The following TRAPPC13 variants were observed in gnomAD, a reference collection of about 807,000 sequenced individuals.
The protein encoded by TRAPPC13 is trafficking protein particle complex subunit 13.
In TRAPPC13, 39 loss-of-function variants were observed where a neutral mutation model predicts 54.0. The observed-to-expected ratio is 0.72, with a 90% confidence interval of 0.56 to 0.94. The LOEUF is 0.94. TRAPPC13 is among the 40% of genes least tolerant of loss of function. The pLI is 0.00. For missense variants in TRAPPC13, 386 were observed against 488.1 expected, an observed-to-expected ratio of 0.79 and a Z score of 1.97; for synonymous variants, 148 against 167.7, an observed-to-expected ratio of 0.88 and a Z score of 0.91.
intron 1 of TRAPPC13, among the ~76,000 whole-genome samples, chr5:65,627,110 T>G (rs1310721486): frequency 9.4e-6 from 1 of 106,432 alleles, no homozygotes; most frequent in Non-Finnish European, 1.7e-5. Flanking sequence ...CCAGCCTGGG[T>G]GACAGAGTGA....
intron 6 of TRAPPC13, among the ~76,000 whole-genome samples, chr5:65,652,259 A>G (rs1051574715): frequency 1.9e-4 from 28 of 150,924 alleles, no homozygotes; most frequent in African/African-American, 6.1e-4. Flanking sequence ...TGGAGCAAAA[A>G]CCCATGTAAT....
chr5:65,632,964 G>A (rs1755603400), intron 1 of TRAPPC13, among the ~76,000 whole-genome samples: 3 of 152,156 alleles, frequency 2.0e-5, no homozygotes, highest in Non-Finnish European at 4.4e-5. Flanking sequence ...CACCAAATAT[G>A]GATGCTACAA....
intron 4 of TRAPPC13, among the ~76,000 whole-genome samples, chr5:65,644,908 C>A (rs1173238168): frequency 3.8e-4 from 56 of 147,822 alleles, no homozygotes; most frequent in Non-Finnish European, 6.6e-4. Context: ...TGTTTAAAAA[C>A]TTTTAGGGCT....
chr5:65,664,494 C>CTCTT lies in TRAPPC13; in HGVS notation c.1147-7_1147-6insTTCT, dbSNP rs867526087. 1 of 1,605,662 alleles carries CTCTT rather than the reference C, an allele frequency of 6.2e-7. No homozygotes were observed. The highest frequency in any genetic ancestry group is 8.5e-7 in the Non-Finnish European group (1 of 1,176,138). ...TGAAAACTTAGACTCATCTCTCTCT[C>CTCTT]TCTCAATAGAGCATCTCTGGCTTAA... On this transcript the variant is annotated splice_polypyrimidine_tract_variant and intron_variant, in intron 12 of 12. Transcript: ENST00000399438.
At chr5:65,630,218 A>G (rs773174839) in intron 1 of TRAPPC13, 11 of 1,535,858 alleles carry the variant, frequency 7.2e-6, no homozygotes, top group Non-Finnish European at 8.7e-7. Flanking sequence ...TTTAGGCCAA[A>G]TATGGGTGTT....
chr5:65,658,161 A>C, intron 8 of TRAPPC13: 2 of 429,864 alleles, frequency 4.7e-6, no homozygotes, highest in Non-Finnish European at 4.1e-6. Context: ...ACAAGGTATC[A>C]GTTGACTAAC....
intron 8 of TRAPPC13, among the ~76,000 whole-genome samples, chr5:65,655,971 C>T (rs1454729096): frequency 6.6e-6 from 1 of 151,944 alleles, no homozygotes; most frequent in East Asian, 1.9e-4. Context: ...CATCATCTTA[C>T]TGTAAAATAC....
chr5:65,637,766 G>C lies in TRAPPC13; in HGVS notation c.286G>C (p.Asp96His). The change falls in exon 4 of 13, where the codon GAC (aspartate) becomes CAC (histidine). Residue 96 changes from aspartate (D) to histidine (H), a missense_variant. Coordinates refer to ENST00000399438, the MANE Select transcript of TRAPPC13 (RefSeq NM_024941.4). The stretch of plus-strand genomic sequence containing the variant: ...TAATGATAGCAATCAAGTTGTAAAA[G>C]ACATATTAGTAAAAGTAAGTAACAT... ...VHNDSNQVVK[D>H]ILVKADLQTS... The C allele has an allele frequency of 6.4e-7, 1 of 1,563,828 alleles. No individual in the cohort carries two copies. The highest frequency in any genetic ancestry group is 1.2e-5 in the South Asian group (1 of 85,350).
chr5:65,663,977 T>C (rs968105401), intron 11 of TRAPPC13: 1 of 394,508 alleles, frequency 2.5e-6, no homozygotes, highest in Non-Finnish European at 4.5e-6. Context: ...GAGGCCAGTG[T>C]TGAGTAATAG....
chr5:65,625,242 G>A, intron 1 of TRAPPC13, 136 bp downstream of exon 1: 2 of 754,834 alleles, frequency 2.6e-6, no homozygotes, highest in Non-Finnish European at 4.5e-6. Context: ...CCGCCAAGCG[G>A]GAGGAAGCGA....
Position 65,650,810 on chromosome 5 carries a change from CTTGGTA to C in TRAPPC13, c.431_436del (p.Leu144_Val145del). The C allele has an allele frequency of 6.2e-7, 1 of 1,611,814 alleles. No individual in the cohort carries two copies. On this transcript the variant is annotated inframe_deletion and splice_region_variant, in exon 6 of 13. Transcript: ENST00000399438. Reference sequence around the variant, plus strand: ...TCGTTAAGACATCTTTCTGTTTCAGCTTGGTATGTGCTGTGAGTTATACAACTCAGG... The same window carrying C: ...TCGTTAAGACATCTTTCTGTTTCAGCTGTGCTGTGAGTTATACAACTCAGG...
At chr5:65,649,433 T>G (rs1256952573) in intron 5 of TRAPPC13, among the ~76,000 whole-genome samples, 1 of 152,200 alleles carries the variant, frequency 6.6e-6, no homozygotes, top group Non-Finnish European at 1.5e-5. Flanking sequence ...ATTGTTAAAT[T>G]TCTTCCAACC....
chr5:65,628,457 T>A (rs930358213), intron 1 of TRAPPC13, among the ~76,000 whole-genome samples: 1 of 151,928 alleles, frequency 6.6e-6, no homozygotes, highest in African/African-American at 2.4e-5. Context: ...GTGGAATCCA[T>A]ATAATTTTTT....
At chr5:65,661,020 G>A in intron 10 of TRAPPC13, 123 bp downstream of exon 10, 2 of 730,140 alleles carry the variant, frequency 2.7e-6, no homozygotes, top group Non-Finnish European at 4.4e-6. Context: ...TACTACTACT[G>A]GAGCAGAAAA....
At chr5:65,630,624 A>C (rs887162019) in intron 1 of TRAPPC13, 31 of 1,044,288 alleles carry the variant, frequency 3.0e-5, no homozygotes, top group Non-Finnish European at 3.2e-5. Flanking sequence ...GATTTTGGTT[A>C]ATCTCTAAAA....
At chr5:65,631,210 A>G (rs992471646) in intron 1 of TRAPPC13, among the ~76,000 whole-genome samples, 10 of 152,184 alleles carry the variant, frequency 6.6e-5, no homozygotes, top group African/African-American at 2.4e-4. Flanking sequence ...CCTAAGAAAA[A>G]TAAGACTGCA....
chr5:65,654,341 C>T (rs1756574467), intron 7 of TRAPPC13, among the ~76,000 whole-genome samples: 1 of 152,050 alleles, frequency 6.6e-6, no homozygotes, highest in Non-Finnish European at 1.5e-5. Flanking sequence ...TTGTTTGCTT[C>T]CTTTGTCAGT....
At chr5:65,658,564 C>A in intron 9 of TRAPPC13, 63 bp downstream of exon 9, 3 of 1,359,784 alleles carry the variant, frequency 2.2e-6, no homozygotes, top group Non-Finnish European at 2.9e-6. Flanking sequence ...TCTAAACATC[C>A]ATTGCTCTTC....
intron 4 of TRAPPC13, among the ~76,000 whole-genome samples, chr5:65,639,279 A>G (rs1237882674): frequency 6.6e-6 from 1 of 152,158 alleles, no homozygotes; most frequent in Non-Finnish European, 1.5e-5. Flanking sequence ...TAGCCATACA[A>G]TAGAGCATCT....
Sources: gnomAD v4.1 joint callset for allele counts (sites outside exome capture counted in the v4.1 genomes callset) on GRCh38, gnomAD v4.1.1 for gene constraint, MANE v1.5 for transcripts, NCBI Gene and HGNC (gene_info 2026-07-23, HGNC 2026-07-21) for gene names.